VPS13B: variants seen among roughly 807,000 people sequenced by gnomAD.
The protein encoded by VPS13B is intermembrane lipid transfer protein VPS13B.
VPS13B carries 285 observed loss-of-function variants against 426.4 expected under a neutral mutation model. The ratio of observed to expected loss-of-function variants is 0.67; its 90% CI spans 0.61 to 0.74. The LOEUF (loss-of-function observed/expected upper bound fraction) is 0.74. VPS13B is among the 30% of genes least tolerant of loss of function. The probability of loss-of-function intolerance (pLI) is 0.00; values close to 1 mark genes in which losing one functional copy is unlikely to be tolerated. For synonymous variants in VPS13B, 1,676 were observed against 1,676.4 expected (o/e 1.00, Z 0.01); for missense variants, 4,537 against 4,782.6 (o/e 0.95, Z 1.51).
chr8:99,783,909 T>C (rs1435556274), intron 42 of VPS13B, among the ~76,000 whole-genome samples: 1 of 152,154 alleles, frequency 6.6e-6, no homozygotes, highest in African/African-American at 2.4e-5. Flanking sequence ...GCTTTGGTAA[T>C]TGGTCTTGAT....
intron 23 of VPS13B, among the ~76,000 whole-genome samples, chr8:99,447,485 T>TCAGGCAGAAGATAAAG: frequency 6.6e-6 from 1 of 152,310 alleles, no homozygotes; most frequent in South Asian, 2.1e-4. Flanking sequence ...GTGAGTTAGC[T>TCAGGCAGAAGATAAAG]TCAGGCTTTA....
chr8:99,280,998 C>T (rs1819142762), intron 19 of VPS13B, among the ~76,000 whole-genome samples: 1 of 152,028 alleles, frequency 6.6e-6, no homozygotes, highest in African/African-American at 2.4e-5. Flanking sequence ...TAGCAGTGGT[C>T]CTCAACTGTT....
intron 2 of VPS13B, among the ~76,000 whole-genome samples, chr8:99,033,776 A>G (rs565171507): frequency 5.3e-5 from 8 of 152,102 alleles, no homozygotes; most frequent in African/African-American, 1.2e-4. Flanking sequence ...GGTGCCTGTA[A>G]TCTCAGCTAT....
intron 21 of VPS13B, among the ~76,000 whole-genome samples, chr8:99,400,475 G>A (rs957810746): frequency 3.9e-5 from 6 of 152,030 alleles, no homozygotes; most frequent in African/African-American, 1.2e-4. Flanking sequence ...CTTAGTGCAC[G>A]CCTACCAGTA....
At chr8:99,466,901 G>T (rs1819138069) in intron 23 of VPS13B, among the ~76,000 whole-genome samples, 1 of 152,016 alleles carries the variant, frequency 6.6e-6, no homozygotes, top group Admixed American at 6.6e-5. Context: ...GTCATTTTCA[G>T]TACCATAGAT....
At chr8:99,655,223 G>A (rs1431363166) in intron 34 of VPS13B, among the ~76,000 whole-genome samples, 2 of 152,090 alleles carry the variant, frequency 1.3e-5, no homozygotes, top group East Asian at 1.9e-4. Flanking sequence ...AATACATAAC[G>A]AAGTCCAATT....
At chr8:99,411,095 G>A (rs1164092174) in intron 21 of VPS13B, among the ~76,000 whole-genome samples, 2 of 152,112 alleles carry the variant, frequency 1.3e-5, no homozygotes, top group African/African-American at 2.4e-5. Flanking sequence ...GGGATTGCTG[G>A]ATCAAATGGT....
chr8:99,868,139 A>T (rs1251112320), intron 58 of VPS13B, 150 bp from the exon 59 acceptor site: 3 of 889,562 alleles, frequency 3.4e-6, no homozygotes, highest in Non-Finnish European at 5.3e-6. Context: ...TGGTGTACTT[A>T]GATAACTGGT....
chr8:99,261,303 C>T (rs915311424), intron 17 of VPS13B, among the ~76,000 whole-genome samples: 2 of 152,098 alleles, frequency 1.3e-5, no homozygotes, highest in East Asian at 1.9e-4. Context: ...CCAGCCAAAC[C>T]CTAGCAACCA....
At chr8:99,456,434 G>A (rs575461843) in intron 23 of VPS13B, among the ~76,000 whole-genome samples, 3 of 152,130 alleles carry the variant, frequency 2.0e-5, no homozygotes, top group Non-Finnish European at 4.4e-5. Context: ...CTCCTCAAGT[G>A]CTGGGATTAC....
intron 13 of VPS13B, 64 bp downstream of exon 13, chr8:99,143,229 T>G (rs1810527544): frequency 1.2e-6 from 2 of 1,603,022 alleles, no homozygotes; most frequent in African/African-American, 2.7e-5. Flanking sequence ...TATAATCCAA[T>G]TTGTGTTGTC....
At chr8:99,439,735 T>C (rs1817586730) in intron 22 of VPS13B, among the ~76,000 whole-genome samples, 2 of 152,110 alleles carry the variant, frequency 1.3e-5, no homozygotes, top group South Asian at 2.1e-4. Flanking sequence ...TAAAGTGCTT[T>C]ATATGATGGG....
At chr8:99,225,039 C>T (rs143873999) in intron 17 of VPS13B, among the ~76,000 whole-genome samples, 11 of 152,292 alleles carry the variant, frequency 7.2e-5, no homozygotes, top group Non-Finnish European at 1.2e-4. Flanking sequence ...ATTTGACATA[C>T]GTAGAACTCT....
At chr8:99,815,907 C>T (rs1040174103) in intron 44 of VPS13B, among the ~76,000 whole-genome samples, 1 of 152,182 alleles carries the variant, frequency 6.6e-6, no homozygotes, top group Non-Finnish European at 1.5e-5. Flanking sequence ...TTACAGTTCA[C>T]TGCAGCCTTG....
At chr8:99,558,090 T>A (rs1305560625) in intron 31 of VPS13B, among the ~76,000 whole-genome samples, 1 of 152,126 alleles carries the variant, frequency 6.6e-6, no homozygotes, top group Non-Finnish European at 1.5e-5. Flanking sequence ...AAAACTACAT[T>A]TGTCCATGTC....
intron 19 of VPS13B, among the ~76,000 whole-genome samples, chr8:99,307,826 A>G (rs182655743): frequency 1.3e-5 from 2 of 152,026 alleles, no homozygotes; most frequent in East Asian, 1.9e-4. Flanking sequence ...TTGCTTTTCT[A>G]ATTCCTTGAG....
chr8:99,795,861 A>G (rs547622229), intron 43 of VPS13B, among the ~76,000 whole-genome samples: 1 of 152,314 alleles, frequency 6.6e-6, no homozygotes, highest in South Asian at 2.1e-4. Context: ...AGAAGCCACA[A>G]TATCTTTTAT....
chr8:99,759,463 T>C (rs1810811132), intron 39 of VPS13B, among the ~76,000 whole-genome samples: 1 of 152,228 alleles, frequency 6.6e-6, no homozygotes, highest in Non-Finnish European at 1.5e-5. Context: ...TTAAAATACC[T>C]TCTTACAAAT....
chr8:99,264,196 T>C lies in VPS13B; in HGVS notation c.2516-10002T>C, dbSNP rs754096421. Among the ~76,000 whole-genome samples the C allele has an allele frequency of 6.6e-5, 10 of 152,110 alleles. 1 individual carries two copies. Among genetic ancestry groups the C allele is most frequent in the African/African-American group, 2.2e-4 (9 of 41,552 alleles). On this transcript the variant is annotated intron_variant, in intron 17 of 61. Transcript: ENST00000357162. The stretch of plus-strand genomic sequence containing the variant: ...CTTCAGGTGTGTGAGATAATTACTT[T>C]TAATTTTTGGAGTCTTTTTTTTTTT...
Sources: gnomAD v4.1 joint callset for allele counts (sites outside exome capture counted in the v4.1 genomes callset) on GRCh38, gnomAD v4.1.1 for gene constraint, MANE v1.5 for transcripts, NCBI Gene and HGNC (gene_info 2026-07-23, HGNC 2026-07-21) for gene names.